Variants in CCNE2 observed in about 807,000 individuals in gnomAD.
The protein encoded by CCNE2 is G1/S-specific cyclin-E2.
A neutral mutation model predicts 56.8 loss-of-function variants in CCNE2; 18 were observed. The observed-to-expected ratio is 0.32, with a 90% CI of 0.22 to 0.47. The LOEUF (loss-of-function observed/expected upper bound fraction) is 0.47, where lower values mean the gene tolerates loss of function less well. Ranked by LOEUF, CCNE2 falls within the 20% of genes least tolerant of loss-of-function variation. The pLI is 1.00. For missense variants in CCNE2, 371 were observed against 467.1 expected (o/e 0.79, Z 1.90); for synonymous variants, 139 against 149.2 (o/e 0.93, Z 0.50).
chr8:94,883,311 G>A (rs1816904182), intron 9 of CCNE2, among the ~76,000 whole-genome samples: 1 of 151,694 alleles, frequency 6.6e-6, no homozygotes. Flanking sequence ...CCTGAAGGAA[G>A]TAGACAAGGA....
chr8:94,880,670 A>G lies in CCNE2; in HGVS notation c.*962T>C, dbSNP rs1290560206. ...AAGTTTAGGTCAAGTGTTAAGCTTT[A>G]TCACTTTGACACTGTCCTTATCTCA... On this transcript the variant is annotated 3_prime_UTR_variant, in exon 12 of 12. Transcript: ENST00000308108. 1.5e-5 allele frequency: 6 copies of G among 393,282 alleles called. No homozygotes were observed. The highest frequency in any genetic ancestry group is 1.2e-4 in the African/African-American group (6 of 48,536). 24.4% of individuals were successfully genotyped at this position (393,282 alleles called of 1,614,324 possible).
chr8:94,882,727 T>C lies in CCNE2; in HGVS notation c.943+54A>G, dbSNP rs1586544478. The C allele has an allele frequency of 9.5e-6, 11 of 1,157,108 alleles. No homozygotes were observed. The East Asian group carries it at 2.3e-4, about 25-fold the overall frequency. The allele number at this position is 1,157,108 out of a possible 1,614,324, so 71.7% of individuals were successfully genotyped here. A position where few individuals can be genotyped will look rare whatever the true frequency, so the allele number is the denominator to read the frequency against. ...GCAGAATGTTAAAGTTCAGAGACTG[T>C]AGTCCCATTAGAAGTTGTGAAAAGG... On this transcript the variant is annotated intron_variant, in intron 10 of 11. Coordinates refer to ENST00000308108, the MANE Select transcript of CCNE2 (RefSeq NM_057749.3).
chr8:94,891,283 C>T (rs965396236), intron 5 of CCNE2: 2 of 211,726 alleles, frequency 9.4e-6, no homozygotes, highest in African/African-American at 2.3e-5. Flanking sequence ...CAAAATCATG[C>T]AAATCAAGAG....
intron 5 of CCNE2, chr8:94,891,682 A>C: frequency 3.7e-6 from 2 of 542,152 alleles, no homozygotes; most frequent in Non-Finnish European, 3.2e-6. Context: ...AAAAAAAAAC[A>C]CCATGAAGTA....
chr8:94,885,049 CAAT>C lies in CCNE2; in HGVS notation c.831+15_831+17del, dbSNP rs762015502. ...GTAATTAATAACATTACCATTGAAT[CAAT>C]AAAAATGTCAGTACCTGAGCTATTT... On this transcript the variant is annotated intron_variant, in intron 9 of 11. Transcript: ENST00000308108. 251 of 1,607,594 alleles carry C rather than the reference CAAT, an allele frequency of 1.6e-4. No individual in the cohort carries two copies. Among genetic ancestry groups the C allele is most frequent in the Non-Finnish European group, 2.0e-4 (238 of 1,175,922 alleles).
At chr8:94,886,487 A>C (rs1247422023) in intron 7 of CCNE2, among the ~76,000 whole-genome samples, 1 of 152,172 alleles carries the variant, frequency 6.6e-6, no homozygotes, top group Non-Finnish European at 1.5e-5. Context: ...TAGGAGGATC[A>C]CCTGAGCCCA....
chr8:94,883,066 G>A lies in CCNE2; in HGVS notation c.832-174C>T, dbSNP rs539464934. 1.2e-4 allele frequency among the ~76,000 whole-genome samples: 18 copies of A among 152,148 alleles called. 1 individual carries two copies. The South Asian group carries it at 3.7e-3, about 32-fold the overall frequency. ...CGAGGCGGGTGGATCACAAGGTCAC[G>A]AGATCGAGACCATCCTGGCTAACAC... On this transcript the variant is annotated intron_variant, in intron 9 of 11. Coordinates refer to ENST00000308108, the MANE Select transcript of CCNE2 (RefSeq NM_057749.3).
intron 7 of CCNE2, 148 bp downstream of exon 7, chr8:94,887,779 T>C: frequency 2.0e-6 from 1 of 489,428 alleles, no homozygotes; most frequent in South Asian, 3.1e-5. Context: ...TTCATCCCTG[T>C]GGTAATGTTC....
intron 9 of CCNE2, among the ~76,000 whole-genome samples, chr8:94,884,236 C>A (rs1038037757): frequency 2.0e-5 from 3 of 152,078 alleles, no homozygotes; most frequent in African/African-American, 7.2e-5. Flanking sequence ...ATTTTCACAT[C>A]CCACATAGAA....
intron 6 of CCNE2, among the ~76,000 whole-genome samples, chr8:94,889,633 C>T (rs1249492971): frequency 6.6e-6 from 1 of 152,154 alleles, no homozygotes; most frequent in Non-Finnish European, 1.5e-5. Context: ...TCTATTCTGC[C>T]ATGTGTTCCT....
chr8:94,891,262 G>T, intron 5 of CCNE2: 1 of 200,096 alleles, frequency 5.0e-6, no homozygotes, highest in Non-Finnish European at 1.1e-5. Context: ...CACTTTACCT[G>T]GAAAACCCCA....
At position 94,882,802 on chromosome 8, in the gene CCNE2, C is replaced by G. The variant is rs1290778145; in HGVS notation, c.922G>C (p.Glu308Gln). 1 of 1,613,342 alleles carries G rather than the reference C, an allele frequency of 6.2e-7. No homozygotes were observed. The highest frequency in any genetic ancestry group is 1.1e-5 in the South Asian group (1 of 91,054). Residue 308 changes from glutamate to glutamine, a missense_variant, in exon 10 of 12, where the codon GAA (glutamate) becomes CAA (glutamine). Coordinates refer to ENST00000308108, the MANE Select transcript of CCNE2 (RefSeq NM_057749.3). ...TTACCTGAGGCTTTCTTAACCACTT[C>G]AATGGAGGTAAAATGGCACAAGGCA... ...AAALCHFTSI[E>Q]VVKKASGLEW...
At chr8:94,887,899 A>G in intron 7 of CCNE2, 28 bp downstream of exon 7, 6 of 1,491,166 alleles carry the variant, frequency 4.0e-6, no homozygotes, top group South Asian at 1.3e-5. Context: ...GGATAAATAT[A>G]TCTAAGGATA....
At chr8:94,893,303 A>G (rs535090609) in intron 4 of CCNE2, among the ~76,000 whole-genome samples, 1 of 151,232 alleles carries the variant, frequency 6.6e-6, no homozygotes, top group East Asian at 1.9e-4. Flanking sequence ...GTATCTAGCA[A>G]TAGTAGCAGG....
At chr8:94,886,618 T>C (rs978312702) in intron 7 of CCNE2, among the ~76,000 whole-genome samples, 7 of 152,172 alleles carry the variant, frequency 4.6e-5, no homozygotes, top group Non-Finnish European at 5.9e-5. Flanking sequence ...GGAGGATCAC[T>C]GTAGCCTCGG....
Position 94,881,625 on chromosome 8 carries a change from ATCT to A in CCNE2, c.*4_*6del, listed in dbSNP as rs1255460476. ...TGAATTCCAACTTGTTTGCTTAGTT[ATCT>A]TCTTTAGTGTTTTCCTGGTGGTTTT... On this transcript the variant is annotated 3_prime_UTR_variant, in exon 12 of 12. Transcript: ENST00000308108. 28 of 1,611,222 alleles carry A rather than the reference ATCT, an allele frequency of 1.7e-5. No individual in the cohort carries two copies. The highest frequency in any genetic ancestry group is 1.7e-4 in the Middle Eastern group (1 of 6,036).
chr8:94,880,675 T>C lies in CCNE2; in HGVS notation c.*957A>G, dbSNP rs1586541439. ...TAGGTCAAGTGTTAAGCTTTATCAC[T>C]TTGACACTGTCCTTATCTCACAATG... On this transcript the variant is annotated 3_prime_UTR_variant, in exon 12 of 12. Coordinates refer to ENST00000308108, the MANE Select transcript of CCNE2 (RefSeq NM_057749.3). The C allele has an allele frequency of 5.1e-6, 2 of 393,782 alleles. No individual in the cohort carries two copies. Among genetic ancestry groups the C allele is most frequent in the East Asian group, 7.2e-5 (2 of 27,750 alleles). The allele number at this position is 393,782 out of a possible 1,614,324, so 24.4% of individuals were successfully genotyped here.
At position 94,880,780 on chromosome 8, in the gene CCNE2, T is replaced by C. The variant is rs1816778784; in HGVS notation, c.*852A>G. ...ACACTAAATTAAAAAAAAAAATTCC[T>C]TAGGGATATCTTAGAGTAGTAAAGT... On this transcript the variant is annotated 3_prime_UTR_variant, in exon 12 of 12. Transcript: ENST00000308108. The C allele has an allele frequency of 5.0e-6, 2 of 398,344 alleles. No individual in the cohort carries two copies. Among genetic ancestry groups the C allele is most frequent in the Non-Finnish European group, 8.9e-6 (2 of 225,682 alleles). The allele number at this position is 398,344 out of a possible 1,614,324, so 24.7% of individuals were successfully genotyped here. A position where few individuals can be genotyped will look rare whatever the true frequency, so the allele number is the denominator to read the frequency against.
At chr8:94,883,315 AC>A (rs951300368) in intron 9 of CCNE2, among the ~76,000 whole-genome samples, 11 of 152,032 alleles carry the variant, frequency 7.2e-5, no homozygotes, top group Non-Finnish European at 1.6e-4. Flanking sequence ...AAGGAAGTAG[AC>A]AAGGAAGGAC....
Sources: allele counts gnomAD v4.1 joint callset (sites outside exome capture counted in the v4.1 genomes callset), GRCh38; gene constraint gnomAD v4.1.1; transcripts MANE v1.5; gene names NCBI Gene and HGNC (gene_info 2026-07-23, HGNC 2026-07-21).